NFIL3: variants seen among roughly 807,000 people sequenced by gnomAD.
NFIL3 encodes the protein nuclear factor, interleukin 3 regulated.
Under a neutral mutation model 10.0 loss-of-function variants are expected in NFIL3, and 5 were observed. That is an observed-to-expected ratio of 0.50 (90% CI 0.26 to 1.06). The LOEUF (loss-of-function observed/expected upper bound fraction) is 1.06, where lower values mean the gene tolerates loss of function less well. Ranked by LOEUF, NFIL3 falls within the 50% of genes least tolerant of loss-of-function variation. NFIL3 has a pLI of 0.13. For synonymous variants in NFIL3, 202 were observed against 206.5 expected, an observed-to-expected ratio of 0.98 and a Z score of 0.19; for missense variants, 436 against 547.6, an observed-to-expected ratio of 0.80 and a Z score of 2.03.
intron 1 of NFIL3, among the ~76,000 whole-genome samples, chr9:91,411,700 T>G (rs1229734779): frequency 2.0e-5 from 3 of 152,252 alleles, no homozygotes; most frequent in Admixed American, 2.0e-4. Context: ...TCCTTTGAAT[T>G]TGTTCTATCA....
the NFIL3 span, among the ~76,000 whole-genome samples, chr9:91,446,796 C>T: frequency 6.6e-6 from 1 of 150,516 alleles, no homozygotes; most frequent in Non-Finnish European, 1.5e-5. Context: ...CTCCCTTTCT[C>T]TCTCTCTCTC....
chr9:91,431,486 A>G, the NFIL3 span, among the ~76,000 whole-genome samples: 6 of 152,182 alleles, frequency 3.9e-5, no homozygotes, highest in Admixed American at 2.0e-4. Context: ...TCATCCTTCT[A>G]CCATTCCGTG....
the NFIL3 span, among the ~76,000 whole-genome samples, chr9:91,431,383 A>C: frequency 6.6e-6 from 1 of 152,142 alleles, no homozygotes; most frequent in Non-Finnish European, 1.5e-5. Context: ...TATATGCTTC[A>C]GTTCCTCTAC....
At chr9:91,437,757 T>C in the NFIL3 span, among the ~76,000 whole-genome samples, 2 of 152,262 alleles carry the variant, frequency 1.3e-5, no homozygotes, top group Admixed American at 1.3e-4. Context: ...AATGAGATCA[T>C]GTATTTTTGT....
chr9:91,431,264 G>A, the NFIL3 span, among the ~76,000 whole-genome samples: 1 of 152,152 alleles, frequency 6.6e-6, no homozygotes, highest in Non-Finnish European at 1.5e-5. Context: ...TAGGGAAATG[G>A]TTCAAAGCCT....
chr9:91,454,560 A>G, the NFIL3 span, among the ~76,000 whole-genome samples: 131 of 152,244 alleles, frequency 8.6e-4, no homozygotes, highest in Admixed American at 2.7e-3. Context: ...AGCTGGGCAC[A>G]GTGGCTCATG....
the NFIL3 span, among the ~76,000 whole-genome samples, chr9:91,451,363 T>C: frequency 6.6e-6 from 1 of 152,206 alleles, no homozygotes; most frequent in Admixed American, 6.5e-5. Context: ...TTATACAAAA[T>C]CACATATCCT....
the NFIL3 span, among the ~76,000 whole-genome samples, chr9:91,459,411 C>A: frequency 1.2e-3 from 177 of 152,350 alleles, no homozygotes; most frequent in Admixed American, 1.7e-3. Flanking sequence ...GAAAAGAACT[C>A]TTCCAAGGAC....
At chr9:91,460,100 C>T in the NFIL3 span, among the ~76,000 whole-genome samples, 5 of 151,894 alleles carry the variant, frequency 3.3e-5, no homozygotes, top group Non-Finnish European at 7.4e-5. Flanking sequence ...TCCCCAGCCA[C>T]CCCCACCATC....
the NFIL3 span, among the ~76,000 whole-genome samples, chr9:91,454,472 C>A: frequency 6.6e-6 from 1 of 151,794 alleles, no homozygotes; most frequent in African/African-American, 2.4e-5. Flanking sequence ...CTATGAAATT[C>A]ATACATTTCC....
the NFIL3 span, among the ~76,000 whole-genome samples, chr9:91,479,166 G>A: frequency 2.6e-5 from 4 of 152,212 alleles, no homozygotes; most frequent in Non-Finnish European, 5.9e-5. Flanking sequence ...AGCAGAGCTT[G>A]AGCACTGTGC....
the NFIL3 span, among the ~76,000 whole-genome samples, chr9:91,435,795 T>C: frequency 0.17 from 26,302 of 152,176 alleles, 2,444 homozygotes; most frequent in South Asian, 0.28. Flanking sequence ...TAACATTTCA[T>C]CTATGCATGC....
intron 1 of NFIL3, among the ~76,000 whole-genome samples, 189 bp from the exon 2 acceptor site, chr9:91,411,095 T>G (rs1833539301): frequency 1.3e-5 from 2 of 152,130 alleles, no homozygotes; most frequent in Non-Finnish European, 1.5e-5. Context: ...ACTATAAAGC[T>G]GTAAAGGACA....
chr9:91,424,327 A>C (rs1833839119), upstream of NFIL3, among the ~76,000 whole-genome samples: 1 of 152,150 alleles, frequency 6.6e-6, no homozygotes, highest in Non-Finnish European at 1.5e-5. Flanking sequence ...TTGCCGACTG[A>C]GCACTGCGGG....
the NFIL3 span, among the ~76,000 whole-genome samples, chr9:91,471,245 C>T: frequency 2.5e-4 from 38 of 151,938 alleles, 1 homozygote; most frequent in Admixed American, 1.2e-3. Context: ...TAGCTCTTCT[C>T]GTTGAATTGA....
the NFIL3 span, among the ~76,000 whole-genome samples, chr9:91,468,045 T>C: frequency 1.3e-5 from 2 of 152,236 alleles, no homozygotes; most frequent in Non-Finnish European, 2.9e-5. Context: ...CCTTTGGGTA[T>C]ATACCCAGTA....
At chr9:91,467,575 T>G in the NFIL3 span, among the ~76,000 whole-genome samples, 1 of 152,188 alleles carries the variant, frequency 6.6e-6, no homozygotes, top group South Asian at 2.1e-4. Flanking sequence ...CTAGGGTACA[T>G]GTACATAACG....
At chr9:91,478,815 G>A in the NFIL3 span, among the ~76,000 whole-genome samples, 4 of 152,060 alleles carry the variant, frequency 2.6e-5, no homozygotes, top group South Asian at 2.1e-4. Flanking sequence ...GGTGACCTTC[G>A]GATGGGGTTT....
At chr9:91,422,072 A>G (rs1452222747) in intron 1 of NFIL3, among the ~76,000 whole-genome samples, 5 of 152,196 alleles carry the variant, frequency 3.3e-5, no homozygotes, top group African/African-American at 1.2e-4. Context: ...TACTGTTGTT[A>G]TTTACAAAAG....
Sources: gnomAD v4.1 joint callset for allele counts (sites outside exome capture counted in the v4.1 genomes callset) on GRCh38, gnomAD v4.1.1 for gene constraint, MANE v1.5 for transcripts, NCBI Gene and HGNC (gene_info 2026-07-23, HGNC 2026-07-21) for gene names.